ATP6V1C1: variants seen among roughly 807,000 people sequenced by gnomAD.
ATP6V1C1 encodes the protein ATPase H+ transporting V1 subunit C1.
In ATP6V1C1, 45 loss-of-function variants were observed where a neutral mutation model predicts 53.9. The observed-to-expected ratio is 0.83, with a 90% CI of 0.66 to 1.07. The LOEUF is 1.07. ATP6V1C1 is among the 50% of genes least tolerant of loss of function. ATP6V1C1 has a pLI of 0.00. For synonymous variants in ATP6V1C1, 153 were observed against 155.2 expected, an observed-to-expected ratio of 0.99 and a Z score of 0.11; for missense variants, 315 against 440.3, an observed-to-expected ratio of 0.72 and a Z score of 2.55.
rs1461957735 is a variant in ATP6V1C1, at chr8:103,041,045, AG to A, written c.132+78del. On this transcript the variant is annotated intron_variant, in intron 2 of 12. Transcript: ENST00000518738. ...CCAGTTCTCTCTTTTAGTGGAAATG[AG>A]ATACCCAGGTTCCTTCCAAAGAAAA... 8.1e-6 allele frequency: 12 copies of A among 1,482,144 alleles called. No individual in the cohort carries two copies. In the Admixed American group the frequency reaches 1.6e-4, roughly 20 times the overall value. The allele number at this position is 1,482,144 out of a possible 1,614,324, so 91.8% of individuals were successfully genotyped here. A position where few individuals can be genotyped will look rare whatever the true frequency, so the allele number is the denominator to read the frequency against.
intron 1 of ATP6V1C1, among the ~76,000 whole-genome samples, chr8:103,033,557 G>T (rs1276599917): frequency 2.6e-5 from 4 of 152,132 alleles, no homozygotes; most frequent in African/African-American, 9.7e-5. Context: ...GTCCTGGGCA[G>T]TTTATTTGAA....
At position 103,048,876 on chromosome 8, in the gene ATP6V1C1, TAAGA is replaced by T; in HGVS notation, c.211_214del (p.Lys71Ter). The T allele has an allele frequency of 6.2e-7, 1 of 1,612,508 alleles. No homozygotes were observed. Among genetic ancestry groups the T allele is most frequent in the Non-Finnish European group, 8.5e-7 (1 of 1,179,158 alleles). Reference sequence around the variant, plus strand: ...GATATTTTTTCTTCCCCAGAGTGGTTAAGAAAGTAGCTCAATACATGGCTGATGT... The same window carrying T: ...GATATTTTTTCTTCCCCAGAGTGGTTAAGTAGCTCAATACATGGCTGATGT... On this transcript the variant is annotated frameshift_variant, in exon 4 of 13. Transcript: ENST00000518738. LOFTEE classifies it high-confidence loss of function.
intron 5 of ATP6V1C1, among the ~76,000 whole-genome samples, chr8:103,052,064 G>C (rs1817209662): frequency 6.6e-6 from 1 of 152,020 alleles, no homozygotes; most frequent in African/African-American, 2.4e-5. Flanking sequence ...TACTATGACT[G>C]AGCCTTTTTT....
chr8:103,042,617 A>G (rs561428044), intron 3 of ATP6V1C1, among the ~76,000 whole-genome samples: 2 of 152,190 alleles, frequency 1.3e-5, no homozygotes, highest in South Asian at 2.1e-4. Flanking sequence ...TCTTTTTACT[A>G]TCTTTAATGG....
chr8:103,066,212 T>C, intron 11 of ATP6V1C1, 109 bp from the exon 12 acceptor site: 6 of 1,275,582 alleles, frequency 4.7e-6, no homozygotes, highest in Non-Finnish European at 6.4e-6. Flanking sequence ...AAGGGAGATA[T>C]TCTCTCCCCG....
At chr8:103,042,505 T>C in intron 3 of ATP6V1C1, 98 bp downstream of exon 3, 3 of 1,246,402 alleles carry the variant, frequency 2.4e-6, no homozygotes, top group Non-Finnish European at 3.4e-6. Context: ...CTCTGCTTAT[T>C]GGAATGGTTT....
At chr8:103,059,113 C>G (rs1428263017) in intron 8 of ATP6V1C1, among the ~76,000 whole-genome samples, 2 of 151,712 alleles carry the variant, frequency 1.3e-5, no homozygotes, top group African/African-American at 2.4e-5. Flanking sequence ...AGAGGTTTTT[C>G]TTTAGGGATC....
At chr8:103,057,961 A>G (rs997563234) in intron 8 of ATP6V1C1, among the ~76,000 whole-genome samples, 1 of 152,106 alleles carries the variant, frequency 6.6e-6, no homozygotes, top group Admixed American at 6.5e-5. Flanking sequence ...TTAGGGCATT[A>G]GAGCCGTAGA....
At position 103,064,698 on chromosome 8, in the gene ATP6V1C1, T is replaced by A. The variant is rs767993192; in HGVS notation, c.829-16T>A. The stretch of plus-strand genomic sequence containing the variant: ...TTCTAAGACCAAATTTGTGGTAATT[T>A]TTTTTCTTTTTATAGGGACCACTTG... On this transcript the variant is annotated splice_polypyrimidine_tract_variant and intron_variant, in intron 10 of 12. Transcript: ENST00000518738. 7.5e-6 allele frequency: 12 copies of A among 1,598,394 alleles called. No homozygotes were observed. Among genetic ancestry groups the A allele is most frequent in the Middle Eastern group, 3.3e-4 (2 of 6,006 alleles).
intron 1 of ATP6V1C1, among the ~76,000 whole-genome samples, chr8:103,039,688 T>C (rs1194915170): frequency 1.3e-5 from 2 of 152,136 alleles, no homozygotes; most frequent in Non-Finnish European, 2.9e-5. Flanking sequence ...AGATTCTGAA[T>C]AGATTTGTCT....
intron 8 of ATP6V1C1, among the ~76,000 whole-genome samples, chr8:103,062,176 T>G (rs1817412621): frequency 1.5e-5 from 2 of 134,442 alleles, no homozygotes; most frequent in African/African-American, 2.9e-5. Context: ...TTTTTTTTTT[T>G]TTTTTTTTTT....
rs1817491075 is a variant in ATP6V1C1 at position 103,066,401 on chromosome 8, A to G, written c.1007A>G (p.His336Arg). Residue 336 changes from histidine (H) to arginine (R), a missense_variant, in exon 12 of 13, where the codon CAT becomes CGT. Coordinates refer to ENST00000518738, the MANE Select transcript of ATP6V1C1 (RefSeq NM_001695.5). ...TTGAAGAAACTGAGAGAAGTATTAC[A>G]TGAATTGTATAAACATCTAGACAGC... ...KTLKKLREVLHELYKHLDSSA... is the reference protein window; with the variant it reads ...KTLKKLREVLRELYKHLDSSA... 1 of 1,613,388 alleles carries G rather than the reference A, an allele frequency of 6.2e-7. No homozygotes were observed. Among genetic ancestry groups the G allele is most frequent in the South Asian group, 1.1e-5 (1 of 90,932 alleles).
chr8:103,032,973 T>C (rs1367934775), intron 1 of ATP6V1C1, among the ~76,000 whole-genome samples: 1 of 152,250 alleles, frequency 6.6e-6, no homozygotes, highest in African/African-American at 2.4e-5. Flanking sequence ...GAACAGACTA[T>C]AGTAGATGTA....
intron 10 of ATP6V1C1, 128 bp downstream of exon 10, chr8:103,063,356 T>TA: frequency 1.6e-6 from 1 of 610,830 alleles, no homozygotes; most frequent in African/African-American, 1.9e-5. Context: ...TTTTTTTTTT[T>TA]AATTGAATAA....
At chr8:103,046,717 T>C (rs1817102996) in intron 3 of ATP6V1C1, among the ~76,000 whole-genome samples, 1 of 152,222 alleles carries the variant, frequency 6.6e-6, no homozygotes, top group Non-Finnish European at 1.5e-5. Flanking sequence ...TGACAGATGA[T>C]AGCTTAATGA....
At chr8:103,029,432 G>C (rs1364803608) in intron 1 of ATP6V1C1, among the ~76,000 whole-genome samples, 1 of 151,960 alleles carries the variant, frequency 6.6e-6, no homozygotes, top group East Asian at 1.9e-4. Context: ...ACCGTGTCTT[G>C]CTAATTTTTG....
rs201657717 is a variant in ATP6V1C1 at position 103,066,481 on chromosome 8, G to A, written c.1053+34G>A. ...TTATTAGCCCAGTAGAGTAAGAATT[G>A]AAGTGAATTTCAGAAAAAAAATGAT... On this transcript the variant is annotated intron_variant, in intron 12 of 12. Coordinates refer to ENST00000518738, the MANE Select transcript of ATP6V1C1 (RefSeq NM_001695.5). 266 of 1,504,434 alleles carry A rather than the reference G, an allele frequency of 1.8e-4. 2 individuals are homozygous for A. Among genetic ancestry groups the A allele is most frequent in the Middle Eastern group, 3.6e-4 (2 of 5,594 alleles). The allele number at this position is 1,504,434 out of a possible 1,614,324, so 93.2% of individuals were successfully genotyped here. A position where few individuals can be genotyped will look rare whatever the true frequency, so the allele number is the denominator to read the frequency against.
intron 12 of ATP6V1C1, among the ~76,000 whole-genome samples, chr8:103,067,598 C>CTT (rs764474136): frequency 8.4e-4 from 97 of 114,956 alleles, no homozygotes; most frequent in African/African-American, 2.5e-3. Context: ...TTTTCTTTTT[C>CTT]TTTTTTTTTT....
At chr8:103,047,270 T>C (rs977918472) in intron 3 of ATP6V1C1, among the ~76,000 whole-genome samples, 1 of 151,856 alleles carries the variant, frequency 6.6e-6, no homozygotes, top group African/African-American at 2.4e-5. Flanking sequence ...AAGCCAGGCT[T>C]GTGGCTCACA....
Sources: gnomAD v4.1 joint callset for allele counts (sites outside exome capture counted in the v4.1 genomes callset) on GRCh38, gnomAD v4.1.1 for gene constraint, MANE v1.5 for transcripts, NCBI Gene and HGNC (gene_info 2026-07-23, HGNC 2026-07-21) for gene names.